The following SGCD variants were observed in gnomAD, a reference collection of about 807,000 sequenced individuals.
SGCD encodes the protein delta-sarcoglycan.
Under a neutral mutation model 36.6 loss-of-function variants are expected in SGCD, and 18 were observed. That is an observed-to-expected ratio of 0.49 (90% CI 0.34 to 0.73). The LOEUF (loss-of-function observed/expected upper bound fraction) is 0.73, where lower values mean the gene tolerates loss of function less well. Among genes scored for constraint, SGCD ranks in the 30% least tolerant of loss-of-function variants. The probability of loss-of-function intolerance (pLI) is 0.01; values close to 1 mark genes in which losing one functional copy is unlikely to be tolerated. For missense variants in SGCD, 387 were observed against 346.7 expected (o/e 1.12, Z -0.92); for synonymous variants, 133 against 130.6 (o/e 1.02, Z -0.12).
chr5:156,193,121 AG>A (rs1362688982), intron 3 of SGCD, among the ~76,000 whole-genome samples: 1 of 152,116 alleles, frequency 6.6e-6, no homozygotes, highest in Non-Finnish European at 1.5e-5. Flanking sequence ...GTCTAACACA[AG>A]CTAATCAACA....
chr5:155,772,770 T>A, the SGCD span, among the ~76,000 whole-genome samples: 1 of 152,124 alleles, frequency 6.6e-6, no homozygotes, highest in African/African-American at 2.4e-5. Flanking sequence ...TATTATTATT[T>A]TTTTTATTTT....
At position 156,161,659 on chromosome 5, in the gene SGCD, T is replaced by C. The variant is rs1430220714; in HGVS notation, c.-44+37640T>C. ...CACTGCTTATACTTTCTAATTCTACTGTAAAACAAGAAATGAGTGATACAG... is the reference window on the plus strand; with the variant it reads ...CACTGCTTATACTTTCTAATTCTACCGTAAAACAAGAAATGAGTGATACAG... On this transcript the variant is annotated intron_variant, in intron 3 of 9. Coordinates refer to the SGCD transcript ENST00000517913. Among the ~76,000 whole-genome samples, 3 of 151,884 alleles carry C rather than the reference T, an allele frequency of 2.0e-5. No homozygotes were observed. The East Asian group carries it at 5.8e-4, about 29-fold the overall frequency.
intron 1 of SGCD, among the ~76,000 whole-genome samples, chr5:155,916,964 T>C (rs1756756731): frequency 6.6e-6 from 1 of 152,184 alleles, no homozygotes; most frequent in Non-Finnish European, 1.5e-5. Context: ...CTAATTGCTT[T>C]TGCTTAAACT....
chr5:155,884,085 G>A (rs1755950241), intron 1 of SGCD, among the ~76,000 whole-genome samples: 1 of 152,096 alleles, frequency 6.6e-6, no homozygotes, highest in African/African-American at 2.4e-5. Flanking sequence ...CTTGGCTTCT[G>A]CCTTTTGTAT....
At chr5:156,009,588 C>G (rs1471691459) in intron 1 of SGCD, among the ~76,000 whole-genome samples, 3 of 152,150 alleles carry the variant, frequency 2.0e-5, no homozygotes, top group Non-Finnish European at 4.4e-5. Flanking sequence ...GCTAATACAA[C>G]GTTCAGCACA....
chr5:156,101,506 G>C (rs1761514371), intron 1 of SGCD, among the ~76,000 whole-genome samples: 1 of 152,150 alleles, frequency 6.6e-6, no homozygotes, highest in African/African-American at 2.4e-5. Flanking sequence ...ATATACCTTT[G>C]CCTTAACAAG....
intron 3 of SGCD, among the ~76,000 whole-genome samples, chr5:156,311,487 A>G (rs1185408810): frequency 1.3e-5 from 2 of 152,234 alleles, no homozygotes; most frequent in African/African-American, 4.8e-5. Flanking sequence ...TGTTTTAAAA[A>G]TTATCAAATA....
chr5:156,141,047 T>C (rs1333835099), intron 3 of SGCD, among the ~76,000 whole-genome samples: 3 of 152,148 alleles, frequency 2.0e-5, no homozygotes, highest in African/African-American at 7.2e-5. Flanking sequence ...CACTGCTACT[T>C]GACCACCCTA....
chr5:156,526,981 G>A (rs1757672059), intron 4 of SGCD, among the ~76,000 whole-genome samples: 1 of 152,196 alleles, frequency 6.6e-6, no homozygotes, highest in Non-Finnish European at 1.5e-5. Flanking sequence ...GTTCTGGTAG[G>A]AGAAGTGTGT....
chr5:156,750,314 G>A (rs758400880), intron 7 of SGCD, among the ~76,000 whole-genome samples: 24 of 152,020 alleles, frequency 1.6e-4, no homozygotes, highest in Non-Finnish European at 2.8e-4. Context: ...AAGAAGCAAG[G>A]TTCTCATTTC....
chr5:155,935,807 G>A (rs975617089), intron 1 of SGCD, among the ~76,000 whole-genome samples: 3 of 152,220 alleles, frequency 2.0e-5, no homozygotes, highest in African/African-American at 7.2e-5. Flanking sequence ...AGCCTGGCAG[G>A]CTGCACTTGG....
chr5:156,304,209 CT>C (rs1285534979), intron 3 of SGCD, among the ~76,000 whole-genome samples: 2 of 152,124 alleles, frequency 1.3e-5, no homozygotes, highest in Non-Finnish European at 2.9e-5. Context: ...CTGAGTTCTG[CT>C]TTATGTTGCT....
chr5:156,225,081 G>A (rs960250732), intron 3 of SGCD, among the ~76,000 whole-genome samples: 10 of 151,936 alleles, frequency 6.6e-5, no homozygotes, highest in Admixed American at 6.6e-4. Context: ...ATCACCAATG[G>A]CATTGTTGTG....
At chr5:156,352,111 A>C (rs193295631) in intron 3 of SGCD, among the ~76,000 whole-genome samples, 1 of 152,316 alleles carries the variant, frequency 6.6e-6, no homozygotes, top group Admixed American at 6.5e-5. Context: ...TACCAGCCCA[A>C]TCAGAATAAC....
At chr5:156,050,589 C>T (rs2127581023) in intron 1 of SGCD, among the ~76,000 whole-genome samples, 1 of 146,366 alleles carries the variant, frequency 6.8e-6, no homozygotes, top group Middle Eastern at 3.7e-3. Context: ...TCTCTTTAAC[C>T]ATAAACCATA....
At chr5:155,796,806 C>CAAAAAAAAAAAAAAAAAAAAAAAAA in the SGCD span, among the ~76,000 whole-genome samples, 12 of 51,320 alleles carry the variant, frequency 2.3e-4, no homozygotes, top group South Asian at 1.0e-3. Context: ...AACTCCATCT[C>CAAAAAAAAAAAAAAAAAAAAAAAAA]AAAAAAAAAA....
In SGCD at chr5:156,766,191, T is replaced by C. The variant is rs765905041; in HGVS notation, c.*6801T>C. The C allele has an allele frequency of 1.3e-5, 2 of 152,136 alleles. No individual in the cohort carries two copies. The highest frequency in any genetic ancestry group is 4.8e-5 in the African/African-American group (2 of 41,434). The allele number at this position is 152,136 out of a possible 1,614,324, so 9.4% of individuals were successfully genotyped here. A position where few individuals can be genotyped will look rare whatever the true frequency, so the allele number is the denominator to read the frequency against. ...TATACTTCCCTTCAAAAGACAAATATCTTACTTTTGATCTTTGACACTATT... is the reference window on the plus strand; with the variant it reads ...TATACTTCCCTTCAAAAGACAAATACCTTACTTTTGATCTTTGACACTATT... On this transcript the variant is annotated 3_prime_UTR_variant, in exon 9 of 9. Coordinates refer to ENST00000337851, the MANE Select transcript of SGCD (RefSeq NM_000337.6).
intron 7 of SGCD, among the ~76,000 whole-genome samples, chr5:156,745,543 A>C (rs1224313336): frequency 3.3e-5 from 5 of 152,218 alleles, no homozygotes; most frequent in African/African-American, 1.2e-4. Context: ...CACAGTCAAG[A>C]AGGACAAAAT....
chr5:156,693,639 A>G (rs1295236004), intron 7 of SGCD, among the ~76,000 whole-genome samples: 1 of 152,188 alleles, frequency 6.6e-6, no homozygotes, highest in Non-Finnish European at 1.5e-5. Flanking sequence ...GAAATTGTTT[A>G]GAGGCAGAAG....
Sources: allele counts gnomAD v4.1 joint callset (sites outside exome capture counted in the v4.1 genomes callset), GRCh38; gene constraint gnomAD v4.1.1; transcripts MANE v1.5; gene names NCBI Gene and HGNC (gene_info 2026-07-23, HGNC 2026-07-21).